ABI2: variants seen among roughly 807,000 people sequenced by gnomAD.
ABI2 encodes the protein abelson interactor 2.
In ABI2, 25 loss-of-function variants were observed where a neutral mutation model predicts 59.2. That is an observed-to-expected ratio of 0.42 (90% CI 0.31 to 0.59). ABI2 has a LOEUF of 0.59. ABI2 is among the 20% of genes least tolerant of loss of function. The pLI is 0.14. For missense variants in ABI2, 545 were observed against 681.8 expected, an observed-to-expected ratio of 0.80 and a Z score of 2.23; for synonymous variants, 213 against 235.5, an observed-to-expected ratio of 0.90 and a Z score of 0.87.
chr2:203,395,839 G>T, intron 7 of ABI2, 59 bp downstream of exon 7: 2 of 1,481,626 alleles, frequency 1.3e-6, no homozygotes, highest in Non-Finnish European at 1.8e-6. Flanking sequence ...TTCAATTTGT[G>T]ATTTAATTAT....
In ABI2 at chr2:203,416,927, A is replaced by G. The variant is rs1309000228; in HGVS notation, c.1299A>G (p.Pro433=). The change falls in exon 11 of 12, where the codon CCA becomes CCG. Residue 433 remains proline, a synonymous_variant. Coordinates refer to ENST00000261018, the MANE Select transcript of ABI2 (RefSeq NM_001375670.1). The stretch of plus-strand genomic sequence containing the variant: ...TCTTAGTTTCAGATACACCACCTCC[A>G]CCGCCACCTGTGGAAGAACCAGTCT... ...VQENISDTPP[P]PPPVEEPVFD... is the part of the protein sequence containing the mutation. 5.6e-6 allele frequency: 9 copies of G among 1,612,948 alleles called. 1 individual carries two copies. Among genetic ancestry groups the G allele is most frequent in the East Asian group, 2.2e-5 (1 of 44,844 alleles).
At position 203,328,434 on chromosome 2, in the gene ABI2, C is replaced by T. The variant is rs2069953609; in HGVS notation, c.-81C>T. ...CCGCCGTCGCCGCCGCTCCTCCTCTCCCGGTCCTGGGTTTCCTTGGCGCTG... is the reference window on the plus strand; with the variant it reads ...CCGCCGTCGCCGCCGCTCCTCCTCTTCCGGTCCTGGGTTTCCTTGGCGCTG... On this transcript the variant is annotated 5_prime_UTR_variant, in exon 1 of 12. Coordinates refer to ENST00000261018, the MANE Select transcript of ABI2 (RefSeq NM_001375670.1). The T allele has an allele frequency of 8.3e-7, 1 of 1,201,054 alleles. No homozygotes were observed. The highest frequency in any genetic ancestry group is 1.6e-5 in the African/African-American group (1 of 63,644). 74.4% of individuals were successfully genotyped at this position (1,201,054 alleles called of 1,614,324 possible).
intron 8 of ABI2, among the ~76,000 whole-genome samples, chr2:203,399,451 A>G (rs1423297848): frequency 6.7e-6 from 1 of 150,286 alleles, no homozygotes; most frequent in African/African-American, 2.5e-5. Context: ...TCCTTTATAG[A>G]TTATGAGTTA....
intron 1 of ABI2, among the ~76,000 whole-genome samples, chr2:203,343,536 C>T (rs1230943213): frequency 6.6e-6 from 1 of 151,882 alleles, no homozygotes; most frequent in Admixed American, 6.6e-5. Context: ...TGGGGTTGCT[C>T]AGGGTGATCT....
chr2:203,375,165 G>A (rs2095598136), intron 2 of ABI2, among the ~76,000 whole-genome samples: 1 of 152,184 alleles, frequency 6.6e-6, no homozygotes, highest in Non-Finnish European at 1.5e-5. Context: ...TGAGAAGGAT[G>A]GGGAAGCTAA....
intron 4 of ABI2, among the ~76,000 whole-genome samples, chr2:203,384,297 T>TTTTTTTTG (rs2096335766): frequency 8.1e-6 from 1 of 124,046 alleles, no homozygotes; most frequent in African/African-American, 3.0e-5. Flanking sequence ...TTTGTTTTTT[T>TTTTTTTTG]TTTTTTTTTT....
At chr2:203,336,704 T>G (rs1457672283) in intron 1 of ABI2, among the ~76,000 whole-genome samples, 2 of 152,194 alleles carry the variant, frequency 1.3e-5, no homozygotes, top group African/African-American at 4.8e-5. Flanking sequence ...GGCTGTATCT[T>G]TTACTACTAT....
intron 2 of ABI2, among the ~76,000 whole-genome samples, chr2:203,369,619 AG>A (rs1269854436): frequency 6.6e-6 from 1 of 152,210 alleles, no homozygotes; most frequent in Non-Finnish European, 1.5e-5. Flanking sequence ...TAATGGATTA[AG>A]TAAAAAACAG....
chr2:203,365,922 CCCGG>C (rs1371808507), intron 1 of ABI2, among the ~76,000 whole-genome samples: 1 of 152,074 alleles, frequency 6.6e-6, no homozygotes. Context: ...AGCCACCGTG[CCCGG>C]CCGGGGCTGT....
chr2:203,335,471 C>G (rs4505504), intron 1 of ABI2, among the ~76,000 whole-genome samples: 113,240 of 152,042 alleles, frequency 0.74, 43,324 homozygotes, highest in Middle Eastern at 0.87. Flanking sequence ...TATGTTGCTC[C>G]GGCTGGTCTT....
chr2:203,367,673 G>A (rs982994470), intron 2 of ABI2, among the ~76,000 whole-genome samples: 1 of 151,978 alleles, frequency 6.6e-6, no homozygotes, highest in African/African-American at 2.4e-5. Context: ...TAATATTTTG[G>A]TATATCTCCT....
rs751285843 is a variant in ABI2 at position 203,366,851 on chromosome 2, G to C, written c.118-26G>C. ...AGAAATGGGTTATTTTTGAATTAAT[G>C]ATCACTGGTTTGTTTTTTTTCCCAG... On this transcript the variant is annotated intron_variant, in intron 1 of 11. Coordinates refer to ENST00000261018, the MANE Select transcript of ABI2 (RefSeq NM_001375670.1). 4.0e-6 allele frequency: 6 copies of C among 1,513,306 alleles called. No homozygotes were observed. The South Asian group carries it at 8.0e-5, about 20-fold the overall frequency. The allele number at this position is 1,513,306 out of a possible 1,614,324, so 93.7% of individuals were successfully genotyped here. A position where few individuals can be genotyped will look rare whatever the true frequency, so the allele number is the denominator to read the frequency against.
At chr2:203,402,784 C>T (rs1168416155) in intron 9 of ABI2, 50 bp downstream of exon 9, 1 of 1,437,986 alleles carries the variant, frequency 7.0e-7, no homozygotes, top group South Asian at 1.6e-5. Flanking sequence ...TAATTAAAAA[C>T]CTTCAACTAC....
intron 8 of ABI2, among the ~76,000 whole-genome samples, chr2:203,400,688 T>C (rs1008195762): frequency 1.3e-5 from 2 of 152,230 alleles, no homozygotes; most frequent in Non-Finnish European, 2.9e-5. Flanking sequence ...AGTGCTCTTA[T>C]AATCCTTATA....
chr2:203,395,572 A>T lies in ABI2; in HGVS notation c.726-84A>T, dbSNP rs1579109963. 2.1e-6 allele frequency: 3 copies of T among 1,442,632 alleles called. No homozygotes were observed. In the East Asian group the frequency reaches 7.2e-5, roughly 35 times the overall value. 89.4% of individuals were successfully genotyped at this position (1,442,632 alleles called of 1,614,324 possible). ...TTTGAATTACCTTTATTGTAGCTACATTCATCTCAGAAAATGTCGGGAAGT... is the reference window on the plus strand; with the variant it reads ...TTTGAATTACCTTTATTGTAGCTACTTTCATCTCAGAAAATGTCGGGAAGT... On this transcript the variant is annotated intron_variant, in intron 6 of 11. Transcript: ENST00000261018.
intron 4 of ABI2, among the ~76,000 whole-genome samples, chr2:203,389,891 A>G (rs2096672341): frequency 6.6e-6 from 1 of 152,338 alleles, no homozygotes; most frequent in South Asian, 2.1e-4. Flanking sequence ...CAGATTATGC[A>G]TCTTTCCTAC....
Position 203,344,043 on chromosome 2 carries a change from G to T in ABI2, c.117+15412G>T, listed in dbSNP as rs10175337. On this transcript the variant is annotated intron_variant, in intron 1 of 11. Coordinates refer to ENST00000261018, the MANE Select transcript of ABI2 (RefSeq NM_001375670.1). ...AGCTAGTTGGGAGGCTGAGGTGGGAGGATTGCTTGAGCTCAGGGTTGGAGG... is the reference window on the plus strand; with the variant it reads ...AGCTAGTTGGGAGGCTGAGGTGGGATGATTGCTTGAGCTCAGGGTTGGAGG... Among the ~76,000 whole-genome samples, 11 of 152,120 alleles carry T rather than the reference G, an allele frequency of 7.2e-5. 1 individual carries two copies. The highest frequency in any genetic ancestry group is 2.2e-4 in the African/African-American group (9 of 41,488).
At chr2:203,371,633 G>A (rs1263409288) in intron 2 of ABI2, among the ~76,000 whole-genome samples, 1 of 152,066 alleles carries the variant, frequency 6.6e-6, no homozygotes, top group East Asian at 1.9e-4. Context: ...TAAAACAAAT[G>A]AAAATTTTTA....
intron 4 of ABI2, among the ~76,000 whole-genome samples, chr2:203,385,940 C>T (rs1259902584): frequency 2.0e-5 from 3 of 152,152 alleles, no homozygotes; most frequent in Non-Finnish European, 2.9e-5. Flanking sequence ...ACTCTTGACT[C>T]GATAGGCTTT....
Sources: allele counts gnomAD v4.1 joint callset (sites outside exome capture counted in the v4.1 genomes callset), GRCh38; gene constraint gnomAD v4.1.1; transcripts MANE v1.5; gene names NCBI Gene and HGNC (gene_info 2026-07-23, HGNC 2026-07-21).